Variants in TTLL7 observed in about 807,000 individuals in gnomAD.
The protein encoded by TTLL7 is tubulin polyglutamylase TTLL7.
TTLL7 carries 53 observed loss-of-function variants against 120.2 expected under a neutral mutation model. That is an observed-to-expected ratio of 0.44 (90% CI 0.35 to 0.55). The LOEUF (loss-of-function observed/expected upper bound fraction) is 0.55, where lower values mean the gene tolerates loss of function less well. Among genes scored for constraint, TTLL7 ranks in the 20% least tolerant of loss-of-function variants. The pLI, the probability that TTLL7 is intolerant of heterozygous loss-of-function variation, is 0.00. For missense variants in TTLL7, 803 were observed against 1,054.7 expected (o/e 0.76, Z 3.31); for synonymous variants, 353 against 351.7 (o/e 1.00, Z -0.04).
intron 4 of TTLL7, chr1:83,948,957 T>C: frequency 3.5e-6 from 1 of 282,450 alleles, no homozygotes. Flanking sequence ...CTAGGTTGAA[T>C]AGTGATAATT....
intron 5 of TTLL7, 35 bp from the exon 6 acceptor site, chr1:83,947,317 A>G: frequency 2.6e-6 from 4 of 1,554,812 alleles, no homozygotes; most frequent in Non-Finnish European, 2.6e-6. Context: ...AATAATTTCT[A>G]TTCAAACTAG....
At chr1:83,910,329 T>C (rs926146074) in intron 15 of TTLL7, among the ~76,000 whole-genome samples, 2 of 152,146 alleles carry the variant, frequency 1.3e-5, no homozygotes, top group African/African-American at 4.8e-5. Flanking sequence ...AGTGGAACCC[T>C]AGGACAGTGG....
intron 18 of TTLL7, among the ~76,000 whole-genome samples, chr1:83,892,952 A>AGAATAAAAGAAAGAAAGAAAGAAAGAAAG (rs1553129477): frequency 7.8e-6 from 1 of 128,978 alleles, no homozygotes; most frequent in African/African-American, 3.4e-5. Context: ...GAAAGAAAGA[A>AGAATAAAAGAAAGAAAGAAAGAAAGAAAG]AAGAATAAAA....
At position 83,996,867 on chromosome 1, in the gene TTLL7, C is replaced by CT. The variant is rs560347085; in HGVS notation, c.-177+2063dup. On this transcript the variant is annotated intron_variant, in intron 1 of 20. Transcript: ENST00000260505. The stretch of plus-strand genomic sequence containing the variant: ...ATCCATCACCAGGACATGCACTTTC[C>CT]TTTTTTTTTTTTTAACAGCAGTGGT... Among the ~76,000 whole-genome samples, 133 of 143,302 alleles carry CT rather than the reference C, an allele frequency of 9.3e-4. 2 individuals carry two copies. The Middle Eastern group carries it at 0.011, about 12-fold the overall frequency. 94.0% of individuals were successfully genotyped at this position (143,302 alleles called of 152,430 possible).
At chr1:83,941,983 T>C (rs180776064) in intron 7 of TTLL7, among the ~76,000 whole-genome samples, 423 of 152,286 alleles carry the variant, frequency 2.8e-3, no homozygotes, top group African/African-American at 9.7e-3. Flanking sequence ...TGATAACTTT[T>C]GCTTTTTCCT....
intron 18 of TTLL7, among the ~76,000 whole-genome samples, chr1:83,902,483 T>A (rs770951153): frequency 6.6e-6 from 1 of 152,074 alleles, no homozygotes; most frequent in Non-Finnish European, 1.5e-5. Context: ...CAGTTCTTAG[T>A]GCTCAGCTTA....
At chr1:83,965,807 C>T (rs1331165687) in intron 1 of TTLL7, among the ~76,000 whole-genome samples, 1 of 152,082 alleles carries the variant, frequency 6.6e-6, no homozygotes, top group Admixed American at 6.5e-5. Flanking sequence ...TTCTCATCAG[C>T]AGATCTGACT....
At chr1:83,987,462 A>AT (rs898963595) in intron 1 of TTLL7, among the ~76,000 whole-genome samples, 3 of 152,140 alleles carry the variant, frequency 2.0e-5, no homozygotes, top group Admixed American at 6.5e-5. Context: ...CATTAGATAG[A>AT]TTTTTTTAAA....
Position 83,929,126 on chromosome 1 carries a change from A to C in TTLL7, c.1142+10T>G, listed in dbSNP as rs1013717781. 6.4e-7 allele frequency: 1 copy of C among 1,570,298 alleles called. No homozygotes were observed. The highest frequency in any genetic ancestry group is 8.7e-7 in the Non-Finnish European group (1 of 1,148,006). ...AGATAAATGTCCAAAAGATAGAGAG[A>C]GTATTTTACCTTATGTTTAGTAGCT... On this transcript the variant is annotated intron_variant, in intron 10 of 20. Coordinates refer to ENST00000260505, the MANE Select transcript of TTLL7 (RefSeq NM_024686.6).
chr1:83,939,307 C>T (rs1044187196), intron 7 of TTLL7, among the ~76,000 whole-genome samples: 4 of 152,062 alleles, frequency 2.6e-5, no homozygotes, highest in African/African-American at 4.8e-5. Context: ...TTTTCTTTAA[C>T]TTTTAAAAAA....
At chr1:83,976,033 C>CTCTCTCTGTGTG (rs1241354482) in intron 1 of TTLL7, among the ~76,000 whole-genome samples, 4 of 147,834 alleles carry the variant, frequency 2.7e-5, no homozygotes, top group African/African-American at 1.0e-4. Context: ...TTGTCTCTCT[C>CTCTCTCTGTGTG]TGTGTGTGTG....
chr1:83,898,831 T>C, intron 18 of TTLL7, among the ~76,000 whole-genome samples: 1 of 151,872 alleles, frequency 6.6e-6, no homozygotes, highest in East Asian at 1.9e-4. Flanking sequence ...TATTCCTGTC[T>C]GGGGTAAATT....
chr1:83,922,810 TG>T (rs1471086502), intron 10 of TTLL7, among the ~76,000 whole-genome samples: 1 of 150,690 alleles, frequency 6.6e-6, no homozygotes, highest in African/African-American at 2.5e-5. Flanking sequence ...GTATATACAG[TG>T]GCTTAGAAGT....
intron 9 of TTLL7, among the ~76,000 whole-genome samples, chr1:83,931,914 G>A (rs1438384258): frequency 6.6e-6 from 1 of 152,136 alleles, no homozygotes; most frequent in Non-Finnish European, 1.5e-5. Context: ...TATCAGCAGG[G>A]AGCAAAACAC....
rs1241793178 is a variant in TTLL7, at chr1:83,905,531, A to AC, written c.2127+797dup. On this transcript the variant is annotated intron_variant, in intron 17 of 20. Transcript: ENST00000260505. Reference sequence around the variant, plus strand: ...GTGCCCTCTCCTCTGGGAAAAAAAAACATATATTTTATATACATAATTTAT... The same window carrying AC: ...GTGCCCTCTCCTCTGGGAAAAAAAAACCATATATTTTATATACATAATTTAT... Among the ~76,000 whole-genome samples, 92 of 149,276 alleles carry AC rather than the reference A, an allele frequency of 6.2e-4. 1 individual carries two copies. The highest frequency in any genetic ancestry group is 2.1e-3 in the African/African-American group (85 of 41,220).
At chr1:83,912,698 G>T (rs1199130950) in intron 14 of TTLL7, among the ~76,000 whole-genome samples, 1 of 152,126 alleles carries the variant, frequency 6.6e-6, no homozygotes, top group Non-Finnish European at 1.5e-5. Flanking sequence ...TAAATTTACA[G>T]TCTTTGCAAA....
At chr1:83,883,221 A>G in intron 19 of TTLL7, 85 bp from the exon 20 acceptor site, 2 of 1,054,942 alleles carry the variant, frequency 1.9e-6, no homozygotes, top group East Asian at 5.0e-5. Context: ...CAACAAACCA[A>G]TAAGGGAAAT....
At position 83,911,254 on chromosome 1, in the gene TTLL7, T is replaced by C. The variant is rs1657650562; in HGVS notation, c.1697A>G (p.Glu566Gly). Residue 566 changes from glutamate (E) to glycine (G), a missense_variant, in exon 15 of 21, where the codon GAA (glutamate) becomes GGA (glycine). Around this residue, in one of 3 missense-constraint regions of TTLL7, gnomAD observed 388 missense variants for 450.4 expected, o/e 0.86. Transcript: ENST00000260505. ...TTTCTTATTTTGGTACTCTTCTTTT[T>C]CATTTTCGTCAGATTCTGAAGAGCT... Reference protein sequence around the residue: ...SSSSSESDENEKEEYQNKKRE... With the variant: ...SSSSSESDENGKEEYQNKKRE... The C allele has an allele frequency of 6.2e-7, 1 of 1,613,622 alleles. No homozygotes were observed. The highest frequency in any genetic ancestry group is 2.2e-5 in the East Asian group (1 of 44,830).
At chr1:83,915,730 T>C (rs1013217178) in intron 14 of TTLL7, among the ~76,000 whole-genome samples, 3 of 152,120 alleles carry the variant, frequency 2.0e-5, no homozygotes, top group African/African-American at 7.2e-5. Context: ...AGAAAATTTT[T>C]GCAATCTACT....
Sources: gnomAD v4.1 joint callset for allele counts (sites outside exome capture counted in the v4.1 genomes callset) on GRCh38, gnomAD v4.1.1 for gene constraint, gnomAD v4.1.1 regional missense constraint, MANE v1.5 for transcripts, NCBI Gene and HGNC (gene_info 2026-07-23, HGNC 2026-07-21) for gene names.